CRTC3: variants seen among roughly 807,000 people sequenced by gnomAD.
CRTC3 encodes CREB regulated transcription coactivator 3.
CRTC3 carries 26 observed loss-of-function variants against 74.5 expected under a neutral mutation model. The observed-to-expected ratio is 0.35, with a 90% CI of 0.26 to 0.48. The LOEUF (loss-of-function observed/expected upper bound fraction) is 0.48, where lower values mean the gene tolerates loss of function less well. CRTC3 is among the 20% of genes least tolerant of loss of function. CRTC3 has a pLI of 0.99. For missense variants in CRTC3, 760 were observed against 787.3 expected, an observed-to-expected ratio of 0.97 and a Z score of 0.41; for synonymous variants, 377 against 325.8, an observed-to-expected ratio of 1.16 and a Z score of -1.69.
chr15:90,584,116 T>C (rs915938067), intron 2 of CRTC3, among the ~76,000 whole-genome samples: 2 of 152,142 alleles, frequency 1.3e-5, no homozygotes, highest in East Asian at 1.9e-4. Flanking sequence ...TTGTCCTTTT[T>C]AAAAGAGGGG....
At chr15:90,616,013 C>T (rs976888986) in intron 7 of CRTC3, among the ~76,000 whole-genome samples, 1 of 151,372 alleles carries the variant, frequency 6.6e-6, no homozygotes, top group Non-Finnish European at 1.5e-5. Flanking sequence ...GCACCCACCA[C>T]CACACCCAGC....
At chr15:90,634,966 T>G (rs539364024) in intron 11 of CRTC3, 1 of 1,497,894 alleles carries the variant, frequency 6.7e-7, no homozygotes, top group Admixed American at 1.7e-5. Context: ...GGCACCAAAG[T>G]AGTTCTAGAT....
chr15:90,545,663 G>A (rs928847903), intron 2 of CRTC3, among the ~76,000 whole-genome samples: 12 of 151,790 alleles, frequency 7.9e-5, no homozygotes, highest in Admixed American at 2.6e-4. Flanking sequence ...TGCAACCTCC[G>A]CCTCCTGGGT....
intron 13 of CRTC3, among the ~76,000 whole-genome samples, chr15:90,640,412 G>A (rs1381225895): frequency 6.6e-6 from 1 of 152,040 alleles, no homozygotes; most frequent in East Asian, 1.9e-4. Flanking sequence ...GAGGCCAGGT[G>A]CAGTGGCTCA....
At chr15:90,565,839 G>A (rs1967111254) in intron 2 of CRTC3, among the ~76,000 whole-genome samples, 1 of 152,182 alleles carries the variant, frequency 6.6e-6, no homozygotes, top group South Asian at 2.1e-4. Context: ...CCATTCCTGT[G>A]TCTCTCCCCC....
intron 2 of CRTC3, among the ~76,000 whole-genome samples, chr15:90,592,253 G>T (rs950630611): frequency 1.3e-5 from 2 of 152,158 alleles, no homozygotes; most frequent in South Asian, 4.1e-4. Flanking sequence ...TGTTTTAAAT[G>T]AATAGTATGT....
In CRTC3 at chr15:90,641,086, G is replaced by C. The variant is rs756611245; in HGVS notation, c.1549-11G>C. 3.8e-6 allele frequency: 6 copies of C among 1,593,152 alleles called. No homozygotes were observed. In the East Asian group the frequency reaches 8.9e-5, roughly 24 times the overall value. On this transcript the variant is annotated splice_polypyrimidine_tract_variant and intron_variant, in intron 13 of 14. Transcript: ENST00000268184. The stretch of plus-strand genomic sequence containing the variant: ...GTGTGGCCTTCCTCACATGACCTTC[G>C]ATGCTTCCAGGTGCCTCTGGTGCAA...
chr15:90,640,994 TTA>T lies in CRTC3; in HGVS notation c.1549-102_1549-101del, dbSNP rs1177470871. 14 of 734,934 alleles carry T rather than the reference TTA, an allele frequency of 1.9e-5. No individual in the cohort carries two copies. The Admixed American group carries it at 2.9e-4, about 15-fold the overall frequency. The allele number at this position is 734,934 out of a possible 1,614,324, so 45.5% of individuals were successfully genotyped here. On this transcript the variant is annotated intron_variant, in intron 13 of 14. Transcript: ENST00000268184. ...GATCCTGGAAAGAAGGGAATATGGATTAGTTTGCAAGTCAGGTTTTGCTCTGG... is the reference window on the plus strand; with the variant it reads ...GATCCTGGAAAGAAGGGAATATGGATGTTTGCAAGTCAGGTTTTGCTCTGG...
At chr15:90,576,270 T>G (rs1262940922) in intron 2 of CRTC3, among the ~76,000 whole-genome samples, 1 of 151,892 alleles carries the variant, frequency 6.6e-6, no homozygotes, top group African/African-American at 2.4e-5. Flanking sequence ...ATACAATAAA[T>G]AAAAATAAAT....
intron 6 of CRTC3, among the ~76,000 whole-genome samples, chr15:90,611,087 G>A (rs957779648): frequency 1.3e-5 from 2 of 152,134 alleles, no homozygotes; most frequent in African/African-American, 4.8e-5. Flanking sequence ...TGGATTGGGC[G>A]GGGGTACAGT....
At chr15:90,586,849 A>T (rs1967676752) in intron 2 of CRTC3, among the ~76,000 whole-genome samples, 1 of 152,262 alleles carries the variant, frequency 6.6e-6, no homozygotes, top group Non-Finnish European at 1.5e-5. Flanking sequence ...GATTGTTCAC[A>T]CATAAAGAAT....
intron 8 of CRTC3, among the ~76,000 whole-genome samples, chr15:90,618,579 T>C (rs935876100): frequency 6.6e-6 from 1 of 152,236 alleles, no homozygotes; most frequent in Non-Finnish European, 1.5e-5. Context: ...GGAAGCTGTG[T>C]TGACTTTGAA....
At position 90,593,622 on chromosome 15, in the gene CRTC3, C is replaced by T. The variant is rs1380448411; in HGVS notation, c.232-14C>T. 6.3e-7 allele frequency: 1 copy of T among 1,598,346 alleles called. No homozygotes were observed. Among genetic ancestry groups the T allele is most frequent in the South Asian group, 1.1e-5 (1 of 90,316 alleles). ...CATGGTTGGAGGCCAACTCTTCTTC[C>T]CTTCTCTCTGCAGCCGTCATTTCAC... On this transcript the variant is annotated splice_polypyrimidine_tract_variant and intron_variant, in intron 2 of 14. Coordinates refer to ENST00000268184, the MANE Select transcript of CRTC3 (RefSeq NM_022769.5).
chr15:90,633,534 C>T (rs1431586341), intron 11 of CRTC3, among the ~76,000 whole-genome samples: 2 of 152,192 alleles, frequency 1.3e-5, no homozygotes, highest in Non-Finnish European at 2.9e-5. Context: ...CCCTGCTCCA[C>T]CCCAGGCTTG....
chr15:90,619,765 C>G lies in CRTC3; in HGVS notation c.724C>G (p.Arg242Gly). The G allele has an allele frequency of 1.9e-6, 3 of 1,613,856 alleles. No individual in the cohort carries two copies. The highest frequency in any genetic ancestry group is 2.5e-6 in the Non-Finnish European group (3 of 1,179,736). Residue 242 changes from arginine (R) to glycine (G), a missense_variant, in exon 9 of 15, where the codon CGA becomes GGA. This residue lies in a region of CRTC3 where 652 missense variants were observed against 635.2 expected (regional missense o/e 1.03). Coordinates refer to ENST00000268184, the MANE Select transcript of CRTC3 (RefSeq NM_022769.5). Reference sequence around the variant, plus strand: ...GATTCAGTCCCTGTCAGGACGCCCTCGATCCTGTGATGTTGGAGGTGGCAA... The same window carrying G: ...GATTCAGTCCCTGTCAGGACGCCCTGGATCCTGTGATGTTGGAGGTGGCAA... ...KEIQSLSGRP[R>G]SCDVGGGNAF...
chr15:90,545,848 G>A (rs1057121917), intron 2 of CRTC3, among the ~76,000 whole-genome samples: 3 of 152,204 alleles, frequency 2.0e-5, no homozygotes, highest in Non-Finnish European at 4.4e-5. Flanking sequence ...AAAGTGCTGG[G>A]ATTACAGGCG....
Position 90,638,549 on chromosome 15 carries a change from C to T in CRTC3, c.1370C>T (p.Pro457Leu). ...PYPAPQELTQ[P>L]LLQQPRAPEA... Reference sequence around the variant, plus strand: ...CCTGCACCCCAGGAGCTCACCCAGCCCCTCCTGCAGCAGCCCCGCGCCCCT... The same window carrying T: ...CCTGCACCCCAGGAGCTCACCCAGCTCCTCCTGCAGCAGCCCCGCGCCCCT... The change falls in exon 12 of 15, where the codon CCC (proline) becomes CTC (leucine). Residue 457 changes from proline (P) to leucine (L), a missense_variant. Around this residue, in one of 2 missense-constraint regions of CRTC3, gnomAD observed 652 missense variants for 635.2 expected, o/e 1.03. Transcript: ENST00000268184. The T allele has an allele frequency of 1.2e-6, 2 of 1,613,124 alleles. No homozygotes were observed. Among genetic ancestry groups the T allele is most frequent in the Non-Finnish European group, 1.7e-6 (2 of 1,179,566 alleles).
chr15:90,550,458 T>TTG (rs1859153421), intron 2 of CRTC3, among the ~76,000 whole-genome samples: 2 of 151,482 alleles, frequency 1.3e-5, no homozygotes, highest in East Asian at 1.9e-4. Flanking sequence ...GTTTTTTTTT[T>TTG]TTTGAGTCTA....
chr15:90,577,069 A>C (rs1967424587), intron 2 of CRTC3, among the ~76,000 whole-genome samples: 1 of 151,234 alleles, frequency 6.6e-6, no homozygotes, highest in Admixed American at 6.6e-5. Context: ...TTTGAGATAG[A>C]ATATTGCCCT....
Sources: allele counts gnomAD v4.1 joint callset (sites outside exome capture counted in the v4.1 genomes callset), GRCh38; gene constraint gnomAD v4.1.1; regional missense constraint gnomAD v4.1.1; transcripts MANE v1.5; gene names NCBI Gene and HGNC (gene_info 2026-07-23, HGNC 2026-07-21).